Variants in GPANK1 observed in about 807,000 individuals in gnomAD.
GPANK1 encodes G patch domain and ankyrin repeat-containing protein 1.
GPANK1 carries 22 observed loss-of-function variants against 24.0 expected under a neutral mutation model. That is an observed-to-expected ratio of 0.92 (90% CI 0.66 to 1.31). The LOEUF (loss-of-function observed/expected upper bound fraction) is 1.31, where lower values mean the gene tolerates loss of function less well. GPANK1 is among the 50% of genes most tolerant of loss of function. The pLI, the probability that GPANK1 is intolerant of heterozygous loss-of-function variation, is 0.00. For synonymous variants in GPANK1, 174 were observed against 177.4 expected (o/e 0.98, Z 0.15); for missense variants, 469 against 453.5 (o/e 1.03, Z -0.31).
upstream of GPANK1, chr6:31,666,255 GGC>G: frequency 1.1e-6 from 1 of 922,108 alleles, no homozygotes; most frequent in Non-Finnish European, 1.3e-6. Context: ...CGCTGGGAGC[GGC>G]ACATGGGGTC....
upstream of GPANK1, chr6:31,665,833 C>G (rs1434010875): frequency 1.7e-6 from 2 of 1,191,086 alleles, no homozygotes; most frequent in Non-Finnish European, 2.1e-6. Flanking sequence ...ACTGTATTGC[C>G]CAGACTCCCG....
rs369234510 is a variant in GPANK1, at chr6:31,663,862, G to A, written c.617C>T (p.Pro206Leu). Residue 206 changes from proline (P) to leucine (L), a missense_variant, in exon 2 of 3, where the codon CCG (proline) becomes CTG (leucine). By Grantham distance (98) the Pro-to-Leu change is moderately conservative (BLOSUM62 -3). Transcript: ENST00000375896. ...VRESHGETRS[P>L]ENRSPTPSLQ... Reference sequence around the variant, plus strand: ...TAAAGTTTCCCCTTACCGGTTTTCCGGGCTCCTTGTCTCTCCATGGCTCTC... The same window carrying A: ...TAAAGTTTCCCCTTACCGGTTTTCCAGGCTCCTTGTCTCTCCATGGCTCTC... 2.9e-5 allele frequency: 45 copies of A among 1,552,038 alleles called. 1 individual carries two copies. The highest frequency in any genetic ancestry group is 4.9e-5 in the South Asian group (4 of 81,900).
In GPANK1 at chr6:31,662,027, T is replaced by TG; in HGVS notation, c.*238dup. 1 of 413,824 alleles carries TG rather than the reference T, an allele frequency of 2.4e-6. No homozygotes were observed. Among genetic ancestry groups the TG allele is most frequent in the Non-Finnish European group, 4.3e-6 (1 of 234,578 alleles). The allele number at this position is 413,824 out of a possible 1,614,324, so 25.6% of individuals were successfully genotyped here. A position where few individuals can be genotyped will look rare whatever the true frequency, so the allele number is the denominator to read the frequency against. ...TGCCCCTTCTGACTCAGGTGGGACT[T>TG]GCATGTGGCTCCCAGGCTTCTGTTT... On this transcript the variant is annotated 3_prime_UTR_variant, in exon 3 of 3. Coordinates refer to ENST00000375896, the MANE Select transcript of GPANK1 (RefSeq NM_033177.4). This position sits in a 1 kb window ranked among gnomAD's most constrained non-coding sequence, Gnocchi z 5.5.
In GPANK1 at chr6:31,662,459, T is replaced by C; in HGVS notation, c.878A>G (p.Gln293Arg). The stretch of plus-strand genomic sequence containing the variant: ...TGCTGATCTGTAGCCTAGTCCTTCC[T>C]GGTCCCTCTTGAGGACAGTGGGGAT... ...NPIPTVLKRD[Q>R]EGLGYRSAPQ... Residue 293 changes from glutamine to arginine, a missense_variant, in exon 3 of 3, where the codon CAG (glutamine) becomes CGG (arginine). Gln to Arg is a conservative substitution (Grantham distance 43). Coordinates refer to ENST00000375896, the MANE Select transcript of GPANK1 (RefSeq NM_033177.4). This position sits in a 1 kb window ranked among gnomAD's most constrained non-coding sequence, Gnocchi z 5.5. 6.2e-7 allele frequency: 1 copy of C among 1,611,672 alleles called. No individual in the cohort carries two copies. Among genetic ancestry groups the C allele is most frequent in the Non-Finnish European group, 8.5e-7 (1 of 1,179,120 alleles).
rs1800942554 is a variant in GPANK1, at chr6:31,662,169, G to GC, written c.*96dup. The GC allele has an allele frequency of 1.4e-6, 1 of 729,616 alleles. No homozygotes were observed. The allele number at this position is 729,616 out of a possible 1,614,324, so 45.2% of individuals were successfully genotyped here. A position where few individuals can be genotyped will look rare whatever the true frequency, so the allele number is the denominator to read the frequency against. ...CTATTGACCAAAAACTTCAGGATCTGCATCTGAGCAGATCCCAGGAAGGGG... is the reference window on the plus strand; with the variant it reads ...CTATTGACCAAAAACTTCAGGATCTGCCATCTGAGCAGATCCCAGGAAGGGG... On this transcript the variant is annotated 3_prime_UTR_variant, in exon 3 of 3. Transcript: ENST00000375896. This position sits in a 1 kb window ranked among gnomAD's most constrained non-coding sequence, Gnocchi z 5.5.
chr6:31,664,660 GGA>G (rs1202942424), intron 1 of GPANK1, 83 bp from the exon 2 acceptor site: 13 of 591,100 alleles, frequency 2.2e-5, no homozygotes, highest in Middle Eastern at 4.4e-4. Context: ...AGGGCCTAAG[GGA>G]GAGAGACTTT....
chr6:31,662,283 TG>T lies in GPANK1; in HGVS notation c.1053del (p.Tyr351Ter). 6.5e-7 allele frequency: 1 copy of T among 1,550,356 alleles called. No homozygotes were observed. Among genetic ancestry groups the T allele is most frequent in the East Asian group, 2.3e-5 (1 of 43,976 alleles). ...DRAWERDLRT[Y>X]MNLEF ...TACCAAAGTCAGAACTCGAGGTTCA[TG>T]TAAGTCCTTAGATCCCGCTCCCAAG... On this transcript the variant is annotated frameshift_variant, in exon 3 of 3. Transcript: ENST00000375896. LOFTEE classifies it high-confidence loss of function. The surrounding 1 kb of genome is among the most constrained non-coding windows in gnomAD (Gnocchi z 5.5).
In GPANK1 at chr6:31,662,439, A is replaced by T; in HGVS notation, c.898T>A (p.Ser300Thr). 1.9e-6 allele frequency: 3 copies of T among 1,612,148 alleles called. No individual in the cohort carries two copies. The highest frequency in any genetic ancestry group is 2.5e-6 in the Non-Finnish European group (3 of 1,179,554). The change falls in exon 3 of 3, where the codon TCA becomes ACA. Residue 300 changes from serine to threonine, a missense_variant. By Grantham distance (58) the Ser-to-Thr change is moderately conservative. Coordinates refer to ENST00000375896, the MANE Select transcript of GPANK1 (RefSeq NM_033177.4). This position sits in a 1 kb window ranked among gnomAD's most constrained non-coding sequence, Gnocchi z 5.5. ...KRDQEGLGYR[S>T]APQPRVTHFP... is the part of the protein sequence containing the mutation. ...TGTGTCACTCGGGGCTGGGGTGCTG[A>T]TCTGTAGCCTAGTCCTTCCTGGTCC...
At chr6:31,665,434 G>A (rs752014747), upstream of GPANK1, 13 of 1,562,840 alleles carry the variant, frequency 8.3e-6, no homozygotes, top group Non-Finnish European at 1.1e-5. Flanking sequence ...GTCACACTTA[G>A]AGCCTAAGGG....
chr6:31,663,958 TCA>T lies in GPANK1; in HGVS notation c.519_520del (p.Cys173Ter). The T allele has an allele frequency of 6.2e-7, 1 of 1,614,086 alleles. No individual in the cohort carries two copies. Among genetic ancestry groups the T allele is most frequent in the Non-Finnish European group, 8.5e-7 (1 of 1,180,028 alleles). On this transcript the variant is annotated stop_gained and frameshift_variant, in exon 2 of 3. Coordinates refer to ENST00000375896, the MANE Select transcript of GPANK1 (RefSeq NM_033177.4). LOFTEE classifies it high-confidence loss of function. ...CTGAGCCGCATCCCTGCCACTCAGC[TCA>T]CAGACCCCCACCCAGGCAGCCCCAC...
Position 31,662,415 on chromosome 6 carries a change from G to T in GPANK1, c.922C>A (p.His308Asn), listed in dbSNP as rs1800985966. The T allele has an allele frequency of 1.2e-6, 2 of 1,612,526 alleles. No homozygotes were observed. Among genetic ancestry groups the T allele is most frequent in the Non-Finnish European group, 8.5e-7 (1 of 1,179,846 alleles). ...YRSAPQPRVTHFPAWDTRAVA... is the reference protein window; with the variant it reads ...YRSAPQPRVTNFPAWDTRAVA... ...GCTCGGGTATCCCAAGCTGGGAAAT[G>T]TGTCACTCGGGGCTGGGGTGCTGAT... Residue 308 changes from histidine to asparagine, a missense_variant, in exon 3 of 3, where the codon CAT becomes AAT. Physicochemically the swap from His to Asn is moderately conservative, Grantham distance 68 (BLOSUM62 1). Coordinates refer to ENST00000375896, the MANE Select transcript of GPANK1 (RefSeq NM_033177.4). The surrounding 1 kb of genome is among the most constrained non-coding windows in gnomAD (Gnocchi z 5.5).
upstream of GPANK1, chr6:31,665,778 T>G: frequency 9.2e-7 from 1 of 1,082,400 alleles, no homozygotes; most frequent in Non-Finnish European, 1.3e-6. Context: ...CCTGGCTCCC[T>G]CCTTTCCCCG....
upstream of GPANK1, chr6:31,666,267 C>T (rs1451331482): frequency 9.0e-6 from 8 of 884,514 alleles, no homozygotes; most frequent in African/African-American, 3.6e-5. Flanking sequence ...CACATGGGGT[C>T]TCCGGACTTT....
chr6:31,662,352 G>T lies in GPANK1; in HGVS notation c.985C>A (p.Leu329Met). ...GRERPPRVAT[L>M]SWREERRREE... ...CTCCTTCTCTCCTCCCTCCAGCTCAGTGTGGCCACCCGAGGGGGTCTCTCC... is the reference window on the plus strand; with the variant it reads ...CTCCTTCTCTCCTCCCTCCAGCTCATTGTGGCCACCCGAGGGGGTCTCTCC... The change falls in exon 3 of 3, where the codon CTG (leucine) becomes ATG (methionine). Residue 329 changes from leucine (L) to methionine (M), a missense_variant. Physicochemically the swap from Leu to Met is conservative, Grantham distance 15. Coordinates refer to ENST00000375896, the MANE Select transcript of GPANK1 (RefSeq NM_033177.4). This position sits in a 1 kb window ranked among gnomAD's most constrained non-coding sequence, Gnocchi z 5.5. The T allele has an allele frequency of 3.7e-6, 6 of 1,611,748 alleles. No individual in the cohort carries two copies. The highest frequency in any genetic ancestry group is 5.1e-6 in the Non-Finnish European group (6 of 1,179,282).
upstream of GPANK1, chr6:31,666,107 C>G: frequency 1.0e-6 from 1 of 993,342 alleles, no homozygotes; most frequent in Non-Finnish European, 1.2e-6. Flanking sequence ...CCCCACTTCG[C>G]CTGCCGCGGT....
upstream of GPANK1, chr6:31,665,557 A>G: frequency 8.1e-7 from 1 of 1,228,876 alleles, no homozygotes; most frequent in Non-Finnish European, 1.1e-6. Context: ...GTCCCTACGC[A>G]CGGAGCCAAG....
chr6:31,663,760 A>G, intron 2 of GPANK1, 93 bp downstream of exon 2: 1 of 1,485,702 alleles, frequency 6.7e-7, no homozygotes, highest in Non-Finnish European at 8.9e-7. Flanking sequence ...TAAGGAAAGA[A>G]CTCTTCAGCA....
chr6:31,665,245 G>C, upstream of GPANK1: 1 of 600,918 alleles, frequency 1.7e-6, no homozygotes, highest in Non-Finnish European at 3.0e-6. Flanking sequence ...CCCCCACAAT[G>C]CCCTTCGCCT....
chr6:31,665,215 G>A (rs1481831717), upstream of GPANK1: 2 of 560,922 alleles, frequency 3.6e-6, no homozygotes, highest in Admixed American at 3.0e-5. Flanking sequence ...TGTCGGTTGG[G>A]GTCCTACTTT....
Sources: gnomAD v4.1 joint callset for allele counts on GRCh38, gnomAD v4.1.1 for gene constraint, Gnocchi (gnomAD v3.1) non-coding constraint, MANE v1.5 for transcripts, NCBI Gene and HGNC (gene_info 2026-07-23, HGNC 2026-07-21) for gene names.